C2: variants seen among roughly 807,000 people sequenced by gnomAD.
C2 encodes the protein C3/C5 convertase.
Under a neutral mutation model 85.2 loss-of-function variants are expected in C2, and 64 were observed. That is an observed-to-expected ratio of 0.75 (90% CI 0.61 to 0.92). The LOEUF is 0.92. Among genes scored for constraint, C2 ranks in the 40% least tolerant of loss-of-function variants. The pLI, the probability that C2 is intolerant of heterozygous loss-of-function variation, is 0.00. For missense variants in C2, 820 were observed against 971.6 expected, an observed-to-expected ratio of 0.84 and a Z score of 2.07; for synonymous variants, 311 against 370.8, an observed-to-expected ratio of 0.84 and a Z score of 1.85.
chr6:31,945,402 C>T lies in C2; in HGVS notation c.*45C>T, dbSNP rs753105653. The T allele has an allele frequency of 3.2e-6, 5 of 1,570,818 alleles. No homozygotes were observed. In the South Asian group the frequency reaches 5.5e-5, roughly 17 times the overall value. ...TGCTGCCCTGCCAGAATCTGCCGCC[C>T]CTCCATCTTCTACCTCTGAATGGCC... On this transcript the variant is annotated 3_prime_UTR_variant, in exon 18 of 18. Transcript: ENST00000299367. The surrounding 1 kb of genome is among the most constrained non-coding windows in gnomAD (Gnocchi z 5.3).
rs138195505 is a variant in C2 at position 31,933,645 on chromosome 6, G to A, written c.478G>A (p.Ala160Thr). ...HCPNPGISLG[A>T]VRTGFRFGHG... The stretch of plus-strand genomic sequence containing the variant: ...CCCCAACCCAGGCATTTCACTGGGC[G>A]CAGTGCGGACAGGCTTCCGCTTTGG... Residue 160 changes from alanine to threonine, a missense_variant, in exon 4 of 18, where the codon GCA (alanine) becomes ACA (threonine). Physicochemically the swap from Ala to Thr is moderately conservative, Grantham distance 58. Coordinates refer to ENST00000299367, the MANE Select transcript of C2 (RefSeq NM_000063.6). The A allele has an allele frequency of 2.1e-5, 34 of 1,612,976 alleles. No individual in the cohort carries two copies. Among genetic ancestry groups the A allele is most frequent in the Admixed American group, 3.3e-5 (2 of 60,004 alleles).
chr6:31,932,949 A>G (rs1770032489), intron 3 of C2, among the ~76,000 whole-genome samples: 1 of 152,254 alleles, frequency 6.6e-6, no homozygotes, highest in Non-Finnish European at 1.5e-5. Flanking sequence ...CCCCGTCTCC[A>G]CTAACAAAAT....
At chr6:31,926,725 T>G (rs1377461756), upstream of C2, among the ~76,000 whole-genome samples, 1 of 152,144 alleles carries the variant, frequency 6.6e-6, no homozygotes, top group Non-Finnish European at 1.5e-5. Context: ...ACCTCCATCT[T>G]CTAGGTTCAA....
In C2 at chr6:31,935,917, G is replaced by A. The variant is rs374809864; in HGVS notation, c.850-6G>A. On this transcript the variant is annotated splice_region_variant and splice_polypyrimidine_tract_variant and intron_variant, in intron 6 of 17. Coordinates refer to ENST00000299367, the MANE Select transcript of C2 (RefSeq NM_000063.6). The surrounding 1 kb of genome is among the most constrained non-coding windows in gnomAD (Gnocchi z 4.3). Reference sequence around the variant, plus strand: ...CTTTACGCTGCCTCTCACTTGCCCCGCACAGATCTTCAGCTTTGAGATCAA... The same window carrying A: ...CTTTACGCTGCCTCTCACTTGCCCCACACAGATCTTCAGCTTTGAGATCAA... The A allele has an allele frequency of 4.8e-5, 78 of 1,612,482 alleles. No individual in the cohort carries two copies. Among genetic ancestry groups the A allele is most frequent in the South Asian group, 2.0e-4 (18 of 91,058 alleles).
chr6:31,941,281 TGC>T (rs1423817593), intron 9 of C2: 9 of 152,226 alleles, frequency 5.9e-5, no homozygotes, highest in African/African-American at 2.2e-4. Context: ...GGCAGGGCCG[TGC>T]TTCCTCAGAA....
At position 31,935,908 on chromosome 6, in the gene C2, A is replaced by G; in HGVS notation, c.850-15A>G. On this transcript the variant is annotated splice_polypyrimidine_tract_variant and intron_variant, in intron 6 of 17. Coordinates refer to ENST00000299367, the MANE Select transcript of C2 (RefSeq NM_000063.6). This position sits in a 1 kb window ranked among gnomAD's most constrained non-coding sequence, Gnocchi z 4.3. Reference sequence around the variant, plus strand: ...TTCAGGGCCCTTTACGCTGCCTCTCACTTGCCCCGCACAGATCTTCAGCTT... The same window carrying G: ...TTCAGGGCCCTTTACGCTGCCTCTCGCTTGCCCCGCACAGATCTTCAGCTT... The G allele has an allele frequency of 6.2e-7, 1 of 1,612,502 alleles. No individual in the cohort carries two copies.
chr6:31,907,784 T>C (rs1767813152), intron 1 of C2, among the ~76,000 whole-genome samples: 1 of 150,008 alleles, frequency 6.7e-6, no homozygotes, highest in African/African-American at 2.5e-5. Flanking sequence ...TTCAAGTGAT[T>C]CTCCTGCCTC....
At chr6:31,901,950 TGCACGGGACGCGCGCGCGCGCGGGGCC>T (rs1208574655) in intron 1 of C2, 1 of 141,888 alleles carries the variant, frequency 7.0e-6, no homozygotes, top group Non-Finnish European at 1.5e-5. Flanking sequence ...GGCGCGGGGA[TGCACGGGACGCGCGCGCGCGCGGGGCC>T]GGCTCCGCGT....
intron 9 of C2, 31 bp from the exon 10 acceptor site, chr6:31,942,928 G>A: frequency 6.2e-7 from 1 of 1,612,730 alleles, no homozygotes; most frequent in Non-Finnish European, 8.5e-7. Context: ...CAAAGCCACA[G>A]GAGTCTGGTG....
Position 31,933,895 on chromosome 6 carries a change from C to A in C2, c.645C>A (p.Asp215Glu). The change falls in exon 5 of 18, where the codon GAC (aspartate) becomes GAA (glutamate). Residue 215 changes from aspartate to glutamate, a missense_variant. Transcript: ENST00000299367. Reference protein sequence around the residue: ...RQPYSYDFPEDVAPALGTSFS... With the variant: ...RQPYSYDFPEEVAPALGTSFS... ...CCTACTCTTATGACTTCCCTGAGGA[C>A]GTGGCCCCTGCCCTGGGCACTTCCT... is the stretch of plus-strand genomic sequence containing the variant. The A allele has an allele frequency of 6.2e-7, 1 of 1,614,164 alleles. No homozygotes were observed. Among genetic ancestry groups the A allele is most frequent in the South Asian group, 1.1e-5 (1 of 91,090 alleles).
Position 31,934,276 on chromosome 6 carries a change from AGCGC to A in C2, c.827_830del (p.Ser276ThrfsTer15). 6.2e-7 allele frequency: 1 copy of A among 1,613,950 alleles called. No homozygotes were observed. Among genetic ancestry groups the A allele is most frequent in the South Asian group, 1.1e-5 (1 of 91,080 alleles). ...AAATGACTTTCTCATCTTCAAGGAG[AGCGC>A]CTCCCTCATGGTGGACAGGGTCAGG... On this transcript the variant is annotated frameshift_variant, in exon 6 of 18. Transcript: ENST00000299367. LOFTEE classifies it high-confidence loss of function.
chr6:31,898,244 G>A (rs1478008028), upstream of C2, among the ~76,000 whole-genome samples: 1 of 152,128 alleles, frequency 6.6e-6, no homozygotes. Flanking sequence ...TATATCAGGC[G>A]TGTTACACCT....
At chr6:31,918,466 A>T (rs115797706), upstream of C2, among the ~76,000 whole-genome samples, 301 of 151,794 alleles carry the variant, frequency 2.0e-3, 2 homozygotes, top group African/African-American at 6.9e-3. Context: ...ATGGTGATGC[A>T]TGCTTCTTGT....
At position 31,943,949 on chromosome 6, in the gene C2, A is replaced by G. The variant is rs757160031; in HGVS notation, c.1766A>G (p.Asn589Ser). The stretch of plus-strand genomic sequence containing the variant: ...TGCCTTCCCTGCACGATGGAGGCCA[A>G]TCTGGCTCTGCGGAGACCTCAAGGC... ...PICLPCTMEA[N>S]LALRRPQGST... The change falls in exon 14 of 18, where the codon AAT (asparagine) becomes AGT (serine). Residue 589 changes from asparagine (N) to serine (S), a missense_variant. By Grantham distance (46) the Asn-to-Ser change is conservative. Coordinates refer to ENST00000299367, the MANE Select transcript of C2 (RefSeq NM_000063.6). The surrounding 1 kb of genome is among the most constrained non-coding windows in gnomAD (Gnocchi z 6.4). The G allele has an allele frequency of 6.2e-7, 1 of 1,612,950 alleles. No individual in the cohort carries two copies. Among genetic ancestry groups the G allele is most frequent in the South Asian group, 1.1e-5 (1 of 91,086 alleles).
In C2 at chr6:31,929,667, G is replaced by A. The variant is rs78180018; in HGVS notation, c.442+750G>A. On this transcript the variant is annotated intron_variant, in intron 3 of 17. Coordinates refer to ENST00000299367, the MANE Select transcript of C2 (RefSeq NM_000063.6). ...CAGGAAGTGGAGATTGCAGTGAGCCGAGATTGCATCATTGCACTCCAGCCT... is the reference window on the plus strand; with the variant it reads ...CAGGAAGTGGAGATTGCAGTGAGCCAAGATTGCATCATTGCACTCCAGCCT... 3.5e-5 allele frequency among the ~76,000 whole-genome samples: 5 copies of A among 141,108 alleles called. No homozygotes were observed. The East Asian group carries it at 8.7e-4, about 25-fold the overall frequency. 92.6% of individuals were successfully genotyped at this position (141,108 alleles called of 152,430 possible). A position where few individuals can be genotyped will look rare whatever the true frequency, so the allele number is the denominator to read the frequency against.
chr6:31,944,763 A>T lies in C2; in HGVS notation c.1939A>T (p.Thr647Ser). The change falls in exon 16 of 18, where the codon ACC becomes TCC. Residue 647 changes from threonine to serine, a missense_variant. Transcript: ENST00000299367. The surrounding 1 kb of genome is among the most constrained non-coding windows in gnomAD (Gnocchi z 5.1). ...SCAEVVSQEK[T>S]MFPNLTDVRE... The stretch of plus-strand genomic sequence containing the variant: ...TGCCGAGGTTGTCTCCCAAGAAAAA[A>T]CCATGTTCCCCAACTTGACAGATGT... 1 of 1,612,990 alleles carries T rather than the reference A, an allele frequency of 6.2e-7. No individual in the cohort carries two copies. Among genetic ancestry groups the T allele is most frequent in the Admixed American group, 1.7e-5 (1 of 60,012 alleles).
chr6:31,909,789 AGCT>A (rs1767965880), intron 1 of C2, among the ~76,000 whole-genome samples: 1 of 151,984 alleles, frequency 6.6e-6, no homozygotes, highest in Non-Finnish European at 1.5e-5. Context: ...TTTCCACAGC[AGCT>A]GCACCATTTT....
upstream of C2, chr6:31,927,709 C>T: frequency 6.2e-7 from 1 of 1,612,828 alleles, no homozygotes; most frequent in Non-Finnish European, 8.5e-7. The surrounding 1 kb of genome is among the most constrained non-coding windows in gnomAD (Gnocchi z 4.7). Context: ...TGACCTTTTC[C>T]CTCCCGCGGC....
chr6:31,934,279 G>T lies in C2; in HGVS notation c.829G>T (p.Ala277Ser). The T allele has an allele frequency of 6.2e-7, 1 of 1,613,942 alleles. No individual in the cohort carries two copies. The highest frequency in any genetic ancestry group is 1.3e-5 in the African/African-American group (1 of 75,012). The change falls in exon 6 of 18, where the codon GCC becomes TCC. Residue 277 changes from alanine to serine, a missense_variant. Coordinates refer to ENST00000299367, the MANE Select transcript of C2 (RefSeq NM_000063.6). ...TGACTTTCTCATCTTCAAGGAGAGC[G>T]CCTCCCTCATGGTGGACAGGGTCAG... is the stretch of plus-strand genomic sequence containing the variant. ...ENDFLIFKES[A>S]SLMVDRIFSF...
Sources: gnomAD v4.1 joint callset for allele counts (sites outside exome capture counted in the v4.1 genomes callset) on GRCh38, gnomAD v4.1.1 for gene constraint, Gnocchi (gnomAD v3.1) non-coding constraint, MANE v1.5 for transcripts, NCBI Gene and HGNC (gene_info 2026-07-23, HGNC 2026-07-21) for gene names.